Variants in MYH15 observed in about 807,000 individuals in gnomAD.
MYH15 encodes myosin heavy chain 15.
In MYH15, 227 loss-of-function variants were observed where a neutral mutation model predicts 240.5. The observed-to-expected ratio is 0.94, with a 90% CI of 0.85 to 1.05. The LOEUF (loss-of-function observed/expected upper bound fraction) is 1.05. MYH15 is among the 50% of genes least tolerant of loss of function. The probability of loss-of-function intolerance (pLI) is 0.00; values close to 1 mark genes in which losing one functional copy is unlikely to be tolerated. For missense variants in MYH15, 2,217 were observed against 2,247.5 expected (o/e 0.99, Z 0.27); for synonymous variants, 785 against 796.7 (o/e 0.99, Z 0.25).
At chr3:108,535,130 T>G in the MYH15 span, among the ~76,000 whole-genome samples, 2 of 152,122 alleles carry the variant, frequency 1.3e-5, no homozygotes, top group Admixed American at 1.3e-4. Flanking sequence ...TCAGTGCCAT[T>G]AACATTGCCT....
chr3:108,457,238 GA>G (rs2083030158), intron 18 of MYH15, among the ~76,000 whole-genome samples: 1 of 152,148 alleles, frequency 6.6e-6, no homozygotes, highest in South Asian at 2.1e-4. Context: ...AAACCAGCCA[GA>G]AAGGGTGATA....
At chr3:108,406,511 G>T (rs1428328407) in intron 32 of MYH15, among the ~76,000 whole-genome samples, 1 of 152,276 alleles carries the variant, frequency 6.6e-6, no homozygotes, top group African/African-American at 2.4e-5. Context: ...TCCTCAGAGG[G>T]AATAGTGTAG....
Position 108,428,868 on chromosome 3 carries a change from T to A in MYH15, c.3326A>T (p.Asp1109Val). ...TTCAGCTTCTAGTTTCTCTTTCAAATCCTTTATTTGAGTCTGTAGCAAGAA... is the reference window on the plus strand; with the variant it reads ...TTCAGCTTCTAGTTTCTCTTTCAAAACCTTTATTTGAGTCTGTAGCAAGAA... Reference protein sequence around the residue: ...TVKELQTQIKDLKEKLEAERT... With the variant: ...TVKELQTQIKVLKEKLEAERT... Residue 1109 changes from aspartate to valine, a missense_variant, in exon 27 of 41, where the codon GAT becomes GTT. Physicochemically the swap from Asp to Val is radical, Grantham distance 152 (BLOSUM62 -3). Coordinates refer to ENST00000693548, the MANE Select transcript of MYH15 (RefSeq NM_014981.3). 1 of 1,609,312 alleles carries A rather than the reference T, an allele frequency of 6.2e-7. No homozygotes were observed. Among genetic ancestry groups the A allele is most frequent in the Non-Finnish European group, 8.5e-7 (1 of 1,178,786 alleles).
Position 108,381,144 on chromosome 3 carries a change from CTT to C in MYH15, c.*399_*400del, listed in dbSNP as rs960304074. On this transcript the variant is annotated 3_prime_UTR_variant, in exon 41 of 41. Transcript: ENST00000693548. ...GGTGAATCAAGCCAAAGTTGCCTAA[CTT>C]TAGTAAAAACCATTCACCAACATGC... 5.2e-6 allele frequency: 1 copy of C among 192,630 alleles called. No homozygotes were observed. Among genetic ancestry groups the C allele is most frequent in the African/African-American group, 2.4e-5 (1 of 42,434 alleles). The allele number at this position is 192,630 out of a possible 1,614,324, so 11.9% of individuals were successfully genotyped here.
chr3:108,469,257 G>C (rs1009123599), intron 14 of MYH15, among the ~76,000 whole-genome samples: 5 of 152,146 alleles, frequency 3.3e-5, no homozygotes, highest in African/African-American at 4.8e-5. Context: ...AGCATAGCTA[G>C]AGTATTCAGG....
At chr3:108,505,702 A>G in intron 2 of MYH15, 21 bp downstream of exon 2, 8 of 1,453,996 alleles carry the variant, frequency 5.5e-6, no homozygotes, top group Admixed American at 1.7e-5. Context: ...CATCACTGCA[A>G]TGAAATAAAA....
chr3:108,480,682 G>T (rs1003931566), intron 11 of MYH15, among the ~76,000 whole-genome samples: 1 of 152,190 alleles, frequency 6.6e-6, no homozygotes, highest in African/African-American at 2.4e-5. Flanking sequence ...GAGGTTTCCA[G>T]TCTGAGAAGT....
At chr3:108,494,773 C>G (rs1379295861) in intron 7 of MYH15, among the ~76,000 whole-genome samples, 2 of 152,230 alleles carry the variant, frequency 1.3e-5, no homozygotes, top group African/African-American at 4.8e-5. Context: ...GGGTTACAGG[C>G]ATGAGCCACC....
chr3:108,471,360 C>G (rs910114434), intron 12 of MYH15, among the ~76,000 whole-genome samples: 1 of 152,140 alleles, frequency 6.6e-6, no homozygotes, highest in Non-Finnish European at 1.5e-5. Flanking sequence ...CAGGCCCAGT[C>G]CCAGACCTAC....
chr3:108,451,174 G>A (rs1472891296), intron 21 of MYH15, among the ~76,000 whole-genome samples: 1 of 152,146 alleles, frequency 6.6e-6, no homozygotes, highest in Non-Finnish European at 1.5e-5. Flanking sequence ...GAGGCCAAGA[G>A]TTTGAGACCA....
chr3:108,384,496 G>A (rs1382074676), intron 39 of MYH15, among the ~76,000 whole-genome samples, 191 bp downstream of exon 39: 1 of 152,142 alleles, frequency 6.6e-6, no homozygotes, highest in Non-Finnish European at 1.5e-5. Context: ...CTGGCTTCCT[G>A]GAGGGAAAAG....
chr3:108,476,609 A>T (rs185259880), intron 11 of MYH15, 94 bp from the exon 12 acceptor site: 3 of 798,062 alleles, frequency 3.8e-6, no homozygotes, highest in Non-Finnish European at 6.5e-6. Context: ...GAGGACAGAA[A>T]GATAGTGTGT....
chr3:108,549,634 A>T, the MYH15 span, among the ~76,000 whole-genome samples: 1 of 152,052 alleles, frequency 6.6e-6, no homozygotes, highest in Non-Finnish European at 1.5e-5. Flanking sequence ...ATTTAATAAA[A>T]TCAAAAATTT....
intron 22 of MYH15, among the ~76,000 whole-genome samples, chr3:108,443,598 G>A (rs138772828): frequency 0.013 from 2,015 of 152,272 alleles, 24 homozygotes; most frequent in Non-Finnish European, 0.021. Context: ...GAGGGCTAGG[G>A]AGGAGTAACA....
chr3:108,543,207 T>A, the MYH15 span, among the ~76,000 whole-genome samples: 4 of 152,200 alleles, frequency 2.6e-5, no homozygotes, highest in African/African-American at 9.6e-5. Flanking sequence ...GGCTGAATAG[T>A]ATTCCATGGT....
At chr3:108,440,281 C>T (rs932528334) in intron 23 of MYH15, among the ~76,000 whole-genome samples, 1 of 152,084 alleles carries the variant, frequency 6.6e-6, no homozygotes, top group Non-Finnish European at 1.5e-5. Flanking sequence ...TTTGAGGAGT[C>T]ATGGCATGTA....
At chr3:108,508,499 C>T (rs1330279357) in intron 1 of MYH15, among the ~76,000 whole-genome samples, 1 of 152,196 alleles carries the variant, frequency 6.6e-6, no homozygotes, top group Admixed American at 6.5e-5. Context: ...TTCGTATTCT[C>T]ATCTGTAAAG....
intron 14 of MYH15, among the ~76,000 whole-genome samples, chr3:108,469,300 T>C (rs1478542409): frequency 6.6e-6 from 1 of 152,170 alleles, no homozygotes; most frequent in Admixed American, 6.6e-5. Context: ...CAGATCCATC[T>C]TGAAGATTCA....
chr3:108,401,335 T>A (rs1365917811), intron 33 of MYH15, among the ~76,000 whole-genome samples: 1 of 151,888 alleles, frequency 6.6e-6, no homozygotes, highest in African/African-American at 2.4e-5. Flanking sequence ...GGGATGCATG[T>A]GCGCAGAGGA....
Sources: allele counts gnomAD v4.1 joint callset (sites outside exome capture counted in the v4.1 genomes callset), GRCh38; gene constraint gnomAD v4.1.1; transcripts MANE v1.5; gene names NCBI Gene and HGNC (gene_info 2026-07-23, HGNC 2026-07-21).